GABRG3: variants seen among roughly 807,000 people sequenced by gnomAD.
GABRG3 encodes gamma-aminobutyric acid receptor subunit gamma-3.
GABRG3 carries 25 observed loss-of-function variants against 48.8 expected under a neutral mutation model. The ratio of observed to expected loss-of-function variants is 0.51; its 90% CI spans 0.37 to 0.72. GABRG3 has a LOEUF of 0.72. GABRG3 is among the 30% of genes least tolerant of loss of function. GABRG3 has a pLI of 0.00. For synonymous variants in GABRG3, 227 were observed against 217.6 expected (o/e 1.04, Z -0.38); for missense variants, 394 against 577.9 (o/e 0.68, Z 3.26).
At chr15:27,222,228 C>G (rs887423915) in intron 3 of GABRG3, among the ~76,000 whole-genome samples, 1 of 152,196 alleles carries the variant, frequency 6.6e-6, no homozygotes, top group East Asian at 1.9e-4. Flanking sequence ...AGAGACGTCC[C>G]AGCCAGCTGC....
intron 3 of GABRG3, among the ~76,000 whole-genome samples, chr15:27,037,051 G>A (rs1486374656): frequency 6.6e-6 from 1 of 152,134 alleles, no homozygotes; most frequent in Non-Finnish European, 1.5e-5. Flanking sequence ...AGAGATCAGG[G>A]TGATCCTCTA....
At chr15:27,138,550 C>G (rs957633782) in intron 3 of GABRG3, among the ~76,000 whole-genome samples, 3 of 152,158 alleles carry the variant, frequency 2.0e-5, no homozygotes, top group South Asian at 4.1e-4. Context: ...GTTCTGCATG[C>G]GGATTATCCT....
chr15:27,494,486 C>T (rs1334504174), intron 6 of GABRG3, among the ~76,000 whole-genome samples: 3 of 151,776 alleles, frequency 2.0e-5, no homozygotes, highest in South Asian at 2.1e-4. Context: ...GATTTTTTGT[C>T]GGGAATTCTA....
chr15:27,412,685 G>A (rs1419714548), intron 5 of GABRG3, among the ~76,000 whole-genome samples: 1 of 152,158 alleles, frequency 6.6e-6, no homozygotes, highest in African/African-American at 2.4e-5. Context: ...AGACCTTTGT[G>A]CTGAGCATTC....
intron 3 of GABRG3, among the ~76,000 whole-genome samples, chr15:27,137,861 G>C (rs531313624): frequency 2.0e-5 from 3 of 152,212 alleles, no homozygotes; most frequent in African/African-American, 7.2e-5. Context: ...TTTTATTTTT[G>C]TTTAAGGTAA....
chr15:27,231,599 C>T (rs1377783019), intron 3 of GABRG3, among the ~76,000 whole-genome samples: 1 of 152,172 alleles, frequency 6.6e-6, no homozygotes, highest in Non-Finnish European at 1.5e-5. Flanking sequence ...TTAGTGACTC[C>T]CAGAAAATGT....
intron 5 of GABRG3, among the ~76,000 whole-genome samples, chr15:27,443,857 G>T (rs1040701222): frequency 1.3e-5 from 2 of 152,038 alleles, no homozygotes; most frequent in Non-Finnish European, 2.9e-5. Context: ...ATAATGAACC[G>T]GTGTCAAATT....
chr15:27,205,978 A>G (rs1428835094), intron 3 of GABRG3, among the ~76,000 whole-genome samples: 1 of 151,918 alleles, frequency 6.6e-6, no homozygotes, highest in Admixed American at 6.6e-5. Flanking sequence ...TAGTCTAGCT[A>G]CTTGTCTGTC....
chr15:27,496,690 A>G (rs777734070), intron 6 of GABRG3, among the ~76,000 whole-genome samples: 6 of 152,182 alleles, frequency 3.9e-5, no homozygotes, highest in Non-Finnish European at 8.8e-5. Flanking sequence ...TCAGAAGCAA[A>G]TGTCCAAAAA....
intron 3 of GABRG3, among the ~76,000 whole-genome samples, chr15:27,045,323 C>T (rs2140703852): frequency 6.6e-6 from 1 of 152,312 alleles, no homozygotes; most frequent in East Asian, 1.9e-4. Context: ...AGGTGCCGCA[C>T]AGCACACCCC....
At chr15:27,337,709 A>G (rs1894022028) in intron 5 of GABRG3, among the ~76,000 whole-genome samples, 1 of 152,052 alleles carries the variant, frequency 6.6e-6, no homozygotes, top group South Asian at 2.1e-4. Context: ...GTCTTTCTTT[A>G]TACATGCTCT....
At chr15:27,313,737 G>T (rs1422863069) in intron 3 of GABRG3, among the ~76,000 whole-genome samples, 1 of 152,054 alleles carries the variant, frequency 6.6e-6, no homozygotes, top group East Asian at 1.9e-4. Flanking sequence ...ATAGGTCAAA[G>T]AAGAAATCAA....
chr15:27,003,403 G>C (rs1197823630), intron 2 of GABRG3, among the ~76,000 whole-genome samples: 1 of 151,208 alleles, frequency 6.6e-6, no homozygotes, highest in Non-Finnish European at 1.5e-5. Flanking sequence ...GGGTACTTGA[G>C]ATTAGGGAGT....
intron 5 of GABRG3, among the ~76,000 whole-genome samples, chr15:27,463,612 C>T (rs1889515167): frequency 6.6e-6 from 1 of 152,160 alleles, no homozygotes; most frequent in African/African-American, 2.4e-5. Flanking sequence ...AGCCCTGCCC[C>T]TTTCCCAGTG....
intron 3 of GABRG3, among the ~76,000 whole-genome samples, chr15:27,078,031 A>C (rs1272072407): frequency 6.6e-6 from 1 of 152,216 alleles, no homozygotes; most frequent in Non-Finnish European, 1.5e-5. Context: ...CTGGCTGGAC[A>C]CACAGACGGG....
At chr15:27,012,491 A>G (rs1181440448) in intron 2 of GABRG3, among the ~76,000 whole-genome samples, 1 of 152,122 alleles carries the variant, frequency 6.6e-6, no homozygotes, top group Non-Finnish European at 1.5e-5. Context: ...CTTTACAGAT[A>G]TATTTTAAAA....
rs139330245 is a variant in GABRG3, at chr15:27,040,037, C to G, written c.270+13216C>G. On this transcript the variant is annotated intron_variant, in intron 3 of 9. Transcript: ENST00000615808. ...TCCTTTCCTTACCTTCCCCAAGTCT[C>G]CATTGGCCTGGGCCGCTGCCCTTCA... Among the ~76,000 whole-genome samples the G allele has an allele frequency of 4.6e-5, 7 of 152,394 alleles. No individual in the cohort carries two copies. The East Asian group carries it at 1.3e-3, about 29-fold the overall frequency.
At chr15:27,310,507 T>C (rs969114842) in intron 3 of GABRG3, among the ~76,000 whole-genome samples, 3 of 152,122 alleles carry the variant, frequency 2.0e-5, no homozygotes, top group Admixed American at 1.3e-4. Context: ...TATCTACATT[T>C]ATGGCTTAGA....
intron 5 of GABRG3, among the ~76,000 whole-genome samples, chr15:27,398,663 C>CGT (rs1387854084): frequency 6.6e-6 from 1 of 150,670 alleles, no homozygotes; most frequent in Non-Finnish European, 1.5e-5. Context: ...ATGACAAGCG[C>CGT]GCGCACACAC....
Sources: allele counts gnomAD v4.1 joint callset (sites outside exome capture counted in the v4.1 genomes callset), GRCh38; gene constraint gnomAD v4.1.1; transcripts MANE v1.5; gene names NCBI Gene and HGNC (gene_info 2026-07-23, HGNC 2026-07-21).